CNGB1: variants seen among roughly 807,000 people sequenced by gnomAD.
The protein encoded by CNGB1 is cyclic nucleotide gated channel subunit beta 1, also known as cyclic nucleotide-gated channel beta-1.
In CNGB1, 126 loss-of-function variants were observed where a neutral mutation model predicts 151.7. That is an observed-to-expected ratio of 0.83 (90% CI 0.72 to 0.96). The LOEUF is 0.96. Among genes scored for constraint, CNGB1 ranks in the 40% least tolerant of loss-of-function variants. CNGB1 has a pLI of 0.00. For synonymous variants in CNGB1, 623 were observed against 635.1 expected, an observed-to-expected ratio of 0.98 and a Z score of 0.29; for missense variants, 1,698 against 1,627.0, an observed-to-expected ratio of 1.04 and a Z score of -0.75.
chr16:57,968,086 T>C (rs575401034), intron 1 of CNGB1, among the ~76,000 whole-genome samples: 2 of 152,298 alleles, frequency 1.3e-5, no homozygotes, highest in Admixed American at 1.3e-4. Flanking sequence ...TGCTCTGAAG[T>C]CAAGTCATGA....
At position 57,924,540 on chromosome 16, in the gene CNGB1, A is replaced by G. The variant is rs80197389; in HGVS notation, c.1536-1160T>C. On this transcript the variant is annotated intron_variant, in intron 17 of 32. Transcript: ENST00000251102. ...CAGAAGGCTGAGTGTTAGCACATGA[A>G]ACCAAGAGTCTGGGGACATGGGTAT... is the stretch of plus-strand genomic sequence containing the variant. 8.0e-3 allele frequency among the ~76,000 whole-genome samples: 1,218 copies of G among 152,320 alleles called. 14 individuals carry two copies. Among genetic ancestry groups the G allele is most frequent in the African/African-American group, 0.028 (1,149 of 41,560 alleles).
In CNGB1 at chr16:57,935,644, T is replaced by TC. The variant is rs201311794; in HGVS notation, c.1373-3767dup. ...GCCCGAGCAACAGAGCAAGACTCCG[T>TC]CCCCCCCCAAAAAAAAATAGAATTG... is the stretch of plus-strand genomic sequence containing the variant. On this transcript the variant is annotated intron_variant, in intron 16 of 32. Transcript: ENST00000251102. Among the ~76,000 whole-genome samples the TC allele has an allele frequency of 5.1e-3, 751 of 147,150 alleles. 2 individuals are homozygous for TC. The highest frequency in any genetic ancestry group is 8.1e-3 in the Non-Finnish European group (541 of 66,798).
chr16:57,913,056 C>A, intron 23 of CNGB1, 62 bp from the exon 24 acceptor site: 1 of 1,535,686 alleles, frequency 6.5e-7, no homozygotes, highest in Non-Finnish European at 9.0e-7. Flanking sequence ...TGCTCCCACG[C>A]CCACGGGCGC....
chr16:57,934,694 C>T (rs1320855175), intron 16 of CNGB1, among the ~76,000 whole-genome samples: 8 of 151,896 alleles, frequency 5.3e-5, no homozygotes, highest in South Asian at 2.1e-4. Flanking sequence ...CAGCAGCTCA[C>T]GCCTGTAATT....
intron 17 of CNGB1, among the ~76,000 whole-genome samples, chr16:57,927,435 G>C (rs112852479): frequency 5.9e-5 from 9 of 152,338 alleles, no homozygotes; most frequent in African/African-American, 2.2e-4. Context: ...TCAGGCAGAG[G>C]TTTCCCACCC....
chr16:57,964,308 C>T (rs1358005613), intron 3 of CNGB1, 106 bp from the exon 4 acceptor site: 4 of 1,400,160 alleles, frequency 2.9e-6, no homozygotes, highest in Non-Finnish European at 4.0e-6. Flanking sequence ...CCCCAGGGGT[C>T]AGAAAGCCAG....
At chr16:57,913,114 G>C (rs990072311) in intron 23 of CNGB1, 120 bp from the exon 24 acceptor site, 1 of 874,738 alleles carries the variant, frequency 1.1e-6, no homozygotes, top group Non-Finnish European at 1.9e-6. Flanking sequence ...ACAGGACGGT[G>C]AGCATTCAAT....
Position 57,956,070 on chromosome 16 carries a change from A to G in CNGB1, c.874+1271T>C, listed in dbSNP as rs114946301. ...CCCATATGCTCCAGGCATTGCAGGG[A>G]GGCCCTGGCCACAGCTGGCGGGGAA... On this transcript the variant is annotated intron_variant, in intron 12 of 32. Coordinates refer to ENST00000251102, the MANE Select transcript of CNGB1 (RefSeq NM_001297.5). Among the ~76,000 whole-genome samples the G allele has an allele frequency of 8.5e-3, 1,287 of 152,302 alleles. 23 individuals carry two copies. Among genetic ancestry groups the G allele is most frequent in the African/African-American group, 0.03 (1,241 of 41,568 alleles).
At chr16:57,885,426 C>T (rs1185808549) in intron 32 of CNGB1, among the ~76,000 whole-genome samples, 1 of 152,048 alleles carries the variant, frequency 6.6e-6, no homozygotes, top group Non-Finnish European at 1.5e-5. Flanking sequence ...CAGTGTTTCC[C>T]TATGTTTTGG....
intron 12 of CNGB1, among the ~76,000 whole-genome samples, chr16:57,951,461 C>T (rs1961947105): frequency 6.6e-6 from 1 of 152,198 alleles, no homozygotes; most frequent in Non-Finnish European, 1.5e-5. Context: ...AAGCAATCCT[C>T]CCACCTCACT....
At chr16:57,967,450 T>G (rs1040851384) in intron 1 of CNGB1, 156 bp from the exon 2 acceptor site, 3 of 719,094 alleles carry the variant, frequency 4.2e-6, no homozygotes, top group East Asian at 2.8e-5. Flanking sequence ...TCCCAGCAAT[T>G]TGGGAGGCTG....
chr16:57,899,123 C>T (rs533065742), intron 29 of CNGB1, among the ~76,000 whole-genome samples: 7 of 152,258 alleles, frequency 4.6e-5, no homozygotes, highest in East Asian at 3.9e-4. Flanking sequence ...CAGTGTCCCG[C>T]GGCAGCCTGG....
At chr16:57,943,951 G>A (rs552947432) in intron 14 of CNGB1, among the ~76,000 whole-genome samples, 30 of 151,750 alleles carry the variant, frequency 2.0e-4, no homozygotes, top group East Asian at 3.9e-4. Flanking sequence ...GCAATGACGC[G>A]ATCTCAGCTC....
intron 12 of CNGB1, among the ~76,000 whole-genome samples, chr16:57,953,279 G>C (rs796995898): frequency 1.3e-5 from 2 of 152,136 alleles, no homozygotes; most frequent in Admixed American, 1.3e-4. Context: ...GGCAGATCAT[G>C]AGGTCAAGAG....
intron 27 of CNGB1, among the ~76,000 whole-genome samples, 175 bp downstream of exon 27, chr16:57,903,647 G>C (rs1960450030): frequency 6.6e-6 from 1 of 152,208 alleles, no homozygotes. Flanking sequence ...AGGCACTTCA[G>C]GGGCCCCACT....
intron 14 of CNGB1, among the ~76,000 whole-genome samples, chr16:57,944,004 C>T (rs1961737934): frequency 6.6e-6 from 1 of 151,992 alleles, no homozygotes; most frequent in African/African-American, 2.4e-5. Context: ...TCTCCTGCCT[C>T]AGCCTCCCGA....
intron 12 of CNGB1, chr16:57,954,547 C>T (rs1430792574): frequency 2.7e-6 from 1 of 370,004 alleles, no homozygotes; most frequent in Non-Finnish European, 3.7e-6. Flanking sequence ...CAGCTCAGGA[C>T]CCCTGGCTAA....
chr16:57,941,377 C>A (rs887197789), intron 14 of CNGB1, among the ~76,000 whole-genome samples: 1 of 152,210 alleles, frequency 6.6e-6, no homozygotes, highest in African/African-American at 2.4e-5. Context: ...AGGGCCAAGT[C>A]TCAGCCCTCC....
intron 25 of CNGB1, among the ~76,000 whole-genome samples, chr16:57,910,514 A>G (rs1960679304): frequency 6.6e-6 from 1 of 152,026 alleles, no homozygotes; most frequent in South Asian, 2.1e-4. Context: ...AACTGAGACT[A>G]CAGGCGCTGC....
Sources: gnomAD v4.1 joint callset for allele counts (sites outside exome capture counted in the v4.1 genomes callset) on GRCh38, gnomAD v4.1.1 for gene constraint, MANE v1.5 for transcripts, NCBI Gene and HGNC (gene_info 2026-07-23, HGNC 2026-07-21) for gene names.